LPA: variants seen among roughly 807,000 people sequenced by gnomAD.
LPA encodes the protein apolipoprotein(a).
A neutral mutation model predicts 197.9 loss-of-function variants in LPA; 199 were observed. The observed-to-expected ratio is 1.01, with a 90% CI of 0.90 to 1.13. The LOEUF (loss-of-function observed/expected upper bound fraction) is 1.13, where lower values mean the gene tolerates loss of function less well. Among genes scored for constraint, LPA ranks in the 50% most tolerant of loss-of-function variants. The pLI, the probability that LPA is intolerant of heterozygous loss-of-function variation, is 0.00. For synonymous variants in LPA, 715 were observed against 639.5 expected (o/e 1.12, Z -1.78); for missense variants, 1,853 against 1,785.8 (o/e 1.04, Z -0.68).
intron 37 of LPA, among the ~76,000 whole-genome samples, chr6:160,537,415 G>A (rs534729970): frequency 6.6e-6 from 1 of 152,108 alleles, no homozygotes; most frequent in Non-Finnish European, 1.5e-5. Flanking sequence ...AACTTTTGTC[G>A]TTACTGTTTT....
Position 160,650,515 on chromosome 6 carries a change from G to T in LPA, c.50-18C>A, listed in dbSNP as rs746612054. On this transcript the variant is annotated intron_variant, in intron 1 of 38. Transcript: ENST00000316300. ...AGGTGCTGCTAAAATTAAAACAGAA[G>T]AAATCAAGCTGAATAGTTCTTAGAA... 88 of 1,612,244 alleles carry T rather than the reference G, an allele frequency of 5.5e-5. No individual in the cohort carries two copies. The highest frequency in any genetic ancestry group is 7.2e-5 in the Non-Finnish European group (85 of 1,178,768).
rs1028950742 is a variant in LPA at position 160,610,054 on chromosome 6, C to G, written c.2603+1508G>C. On this transcript the variant is annotated intron_variant, in intron 16 of 38. Coordinates refer to ENST00000316300, the MANE Select transcript of LPA (RefSeq NM_005577.4). ...TGCACTTTTTTTAAATATCTGAAAT[C>G]AGTTATCATACTGATATGTCAAATT... Among the ~76,000 whole-genome samples the G allele has an allele frequency of 7.2e-5, 11 of 152,036 alleles. No individual in the cohort carries two copies. The East Asian group carries it at 1.9e-3, about 27-fold the overall frequency.
At chr6:160,600,732 C>A (rs1297500923) in intron 19 of LPA, among the ~76,000 whole-genome samples, 185 bp downstream of exon 19, 3 of 152,150 alleles carry the variant, frequency 2.0e-5, no homozygotes, top group Admixed American at 2.0e-4. Context: ...ACAGCTCGCA[C>A]AGGTTGCACC....
intron 16 of LPA, among the ~76,000 whole-genome samples, chr6:160,608,793 T>C (rs1779416158): frequency 6.6e-6 from 1 of 150,650 alleles, no homozygotes; most frequent in Admixed American, 6.6e-5. Context: ...GTTCGGTTGG[T>C]TTTCTATTTC....
At position 160,577,295 on chromosome 6, in the gene LPA, G is replaced by A. The variant is rs906631826; in HGVS notation, c.4472C>T (p.Ala1491Val). 3.1e-6 allele frequency: 5 copies of A among 1,613,212 alleles called. No individual in the cohort carries two copies. The highest frequency in any genetic ancestry group is 1.7e-5 in the Admixed American group (1 of 59,982). The change falls in exon 28 of 39, where the codon GCA becomes GTA. Residue 1491 changes from alanine (A) to valine (V), a missense_variant and splice_region_variant. Transcript: ENST00000316300. ...VPSTEAPSEQAPPEKSPVVQD... is the reference protein window; with the variant it reads ...VPSTEAPSEQVPPEKSPVVQD... The stretch of plus-strand genomic sequence containing the variant: ...GACCACAGGGCTTTTCTCAGGTGGT[G>A]CTGAAATTAAAATAAAATAAATCAT...
intron 28 of LPA, among the ~76,000 whole-genome samples, chr6:160,573,029 C>T (rs912622369): frequency 6.6e-6 from 1 of 152,124 alleles, no homozygotes; most frequent in Non-Finnish European, 1.5e-5. Context: ...AATATGTTTT[C>T]CAAGCTTTTA....
chr6:160,578,773 C>T, intron 26 of LPA, 69 bp from the exon 27 acceptor site: 2 of 1,608,802 alleles, frequency 1.2e-6, no homozygotes, highest in Non-Finnish European at 1.7e-6. Context: ...GCGCCCTCTA[C>T]ATTTTGCTGT....
intron 30 of LPA, among the ~76,000 whole-genome samples, chr6:160,552,768 C>G (rs1455776489): frequency 6.6e-6 from 1 of 152,110 alleles, no homozygotes; most frequent in East Asian, 1.9e-4. Flanking sequence ...ACACACTTAG[C>G]TGTGGTTTTT....
chr6:160,551,898 C>T (rs1778171716), intron 30 of LPA, among the ~76,000 whole-genome samples: 1 of 150,076 alleles, frequency 6.7e-6, no homozygotes, highest in Non-Finnish European at 1.5e-5. Context: ...ACTTTTTTGG[C>T]CAATAACACA....
chr6:160,600,921 T>G lies in LPA; in HGVS notation c.3123A>C (p.Glu1041Asp). 1 of 1,612,316 alleles carries G rather than the reference T, an allele frequency of 6.2e-7. No homozygotes were observed. Among genetic ancestry groups the G allele is most frequent in the Non-Finnish European group, 8.5e-7 (1 of 1,179,938 alleles). The change falls in exon 19 of 39, where the codon GAA becomes GAC. Residue 1041 changes from glutamate to aspartate, a missense_variant. Physicochemically the swap from Glu to Asp is conservative, Grantham distance 45. Coordinates refer to ENST00000316300, the MANE Select transcript of LPA (RefSeq NM_005577.4). ...ILAPSLEAFF[E>D]QALTEETPGV... is the part of the protein sequence containing the mutation. The stretch of plus-strand genomic sequence containing the variant: ...ATGTCTGGCACAACTTCTTACCTTG[T>G]TCAAAAAAAGCCTCTAGGCTTGGAG...
Position 160,589,592 on chromosome 6 carries a change from G to T in LPA, c.3908C>A (p.Pro1303Gln). 6.2e-7 allele frequency: 1 copy of T among 1,613,880 alleles called. No homozygotes were observed. The highest frequency in any genetic ancestry group is 8.5e-7 in the Non-Finnish European group (1 of 1,179,846). ...RTCQSWSSMT[P>Q]HWHQRTTEYY... ...TTCTGTGGTTCTCTGATGCCAGTGT[G>T]GTGTCATAGAGGACCAAGACTGACA... is the stretch of plus-strand genomic sequence containing the variant. The change falls in exon 24 of 39, where the codon CCA (proline) becomes CAA (glutamine). Residue 1303 changes from proline to glutamine, a missense_variant. By Grantham distance (76) the Pro-to-Gln change is moderately conservative. Coordinates refer to ENST00000316300, the MANE Select transcript of LPA (RefSeq NM_005577.4).
intron 17 of LPA, among the ~76,000 whole-genome samples, 196 bp downstream of exon 17, chr6:160,606,281 C>G (rs532614584): frequency 1.3e-5 from 2 of 152,150 alleles, no homozygotes; most frequent in South Asian, 2.1e-4. Flanking sequence ...TCTAAAGACA[C>G]AGCCCACCCA....
chr6:160,661,710 T>C (rs1021148940), intron 1 of LPA, among the ~76,000 whole-genome samples: 12 of 152,324 alleles, frequency 7.9e-5, no homozygotes, highest in African/African-American at 2.9e-4. Flanking sequence ...ACTTGATAGA[T>C]ATATCAAAAT....
intron 2 of LPA, among the ~76,000 whole-genome samples, chr6:160,647,923 T>C (rs1779931016): frequency 6.6e-6 from 1 of 152,248 alleles, no homozygotes; most frequent in Non-Finnish European, 1.5e-5. Context: ...CTTCATTATA[T>C]AGGCTGCAGA....
rs1249579782 is a variant in LPA, at chr6:160,537,973, G to A, written c.5736-12C>T. 4 of 1,612,368 alleles carry A rather than the reference G, an allele frequency of 2.5e-6. No individual in the cohort carries two copies. The highest frequency in any genetic ancestry group is 1.3e-5 in the African/African-American group (1 of 74,898). ...TGATGACGGCAGGCCTGTAAGGAAA[G>A]TATTAGCAGTTATGTTTCACTGCCC... On this transcript the variant is annotated splice_polypyrimidine_tract_variant and intron_variant, in intron 36 of 38. Coordinates refer to ENST00000316300, the MANE Select transcript of LPA (RefSeq NM_005577.4).
In LPA at chr6:160,585,079, C is replaced by T. The variant is rs373159484; in HGVS notation, c.4256G>A (p.Trp1419Ter). Reference sequence around the variant, plus strand: ...ATAGTATAATGGGATCCTCCGATGCCAATGTGGTGTCATAGACGACCAAGA... The same window carrying T: ...ATAGTATAATGGGATCCTCCGATGCTAATGTGGTGTCATAGACGACCAAGA... ...CQSWSSMTPH[W>*]HRRIPLYYPN... The change falls in exon 26 of 39, where the codon TGG (tryptophan) becomes TAG (stop). Residue 1419 changes from tryptophan to a stop codon, truncating the protein, a stop_gained. Coordinates refer to ENST00000316300, the MANE Select transcript of LPA (RefSeq NM_005577.4). LOFTEE classifies it high-confidence loss of function. 7.4e-6 allele frequency: 12 copies of T among 1,613,752 alleles called. No individual in the cohort carries two copies. Among genetic ancestry groups the T allele is most frequent in the Non-Finnish European group, 8.5e-7 (1 of 1,179,768 alleles).
chr6:160,609,897 T>A (rs891447768), intron 16 of LPA, among the ~76,000 whole-genome samples: 1 of 152,124 alleles, frequency 6.6e-6, no homozygotes, highest in Non-Finnish European at 1.5e-5. Context: ...TTTTTTCTTC[T>A]GAAACATCTA....
At chr6:160,559,875 T>A (rs1416654963) in intron 28 of LPA, among the ~76,000 whole-genome samples, 1 of 152,202 alleles carries the variant, frequency 6.6e-6, no homozygotes, top group Non-Finnish European at 1.5e-5. Flanking sequence ...CGTGTCATGG[T>A]GGTTTGCTGC....
intron 20 of LPA, among the ~76,000 whole-genome samples, chr6:160,598,207 G>A (rs1319349972): frequency 2.0e-5 from 3 of 152,064 alleles, no homozygotes; most frequent in Non-Finnish European, 2.9e-5. Flanking sequence ...TCAATATATG[G>A]TGTTTTTTTG....
Sources: allele counts gnomAD v4.1 joint callset (sites outside exome capture counted in the v4.1 genomes callset), GRCh38; gene constraint gnomAD v4.1.1; transcripts MANE v1.5; gene names NCBI Gene and HGNC (gene_info 2026-07-23, HGNC 2026-07-21).